The following SIN3A variants were observed in gnomAD, a reference collection of about 807,000 sequenced individuals.
SIN3A encodes SIN3 transcription regulator family member A, also known as paired amphipathic helix protein Sin3a.
A neutral mutation model predicts 146.1 loss-of-function variants in SIN3A; 14 were observed. The ratio of observed to expected loss-of-function variants is 0.10; its 90% CI spans 0.06 to 0.15. SIN3A has a LOEUF of 0.15. Ranked by LOEUF, SIN3A falls within the 10% of genes least tolerant of loss-of-function variation. SIN3A has a pLI of 1.00. For missense variants in SIN3A, 1,028 were observed against 1,576.0 expected, an observed-to-expected ratio of 0.65 and a Z score of 5.89; for synonymous variants, 572 against 572.0, an observed-to-expected ratio of 1.00 and a Z score of 0.00.
At chr15:75,417,521 C>G (rs928752619) in intron 3 of SIN3A, among the ~76,000 whole-genome samples, 1 of 151,522 alleles carries the variant, frequency 6.6e-6, no homozygotes, top group Non-Finnish European at 1.5e-5. Flanking sequence ...GGATTCCAGG[C>G]GCATGTCACC....
At position 75,431,336 on chromosome 15, in the gene SIN3A, A is replaced by G. The variant is rs1418429654; in HGVS notation, c.-33-928T>C. Among the ~76,000 whole-genome samples, 5 of 152,224 alleles carry G rather than the reference A, an allele frequency of 3.3e-5. No homozygotes were observed. In the South Asian group the frequency reaches 6.2e-4, roughly 19 times the overall value. Reference sequence around the variant, plus strand: ...AAATTTTCTTCTGGTTTTAACAGTTATAAGAAGAGATTCTCTTAGCTTAAT... The same window carrying G: ...AAATTTTCTTCTGGTTTTAACAGTTGTAAGAAGAGATTCTCTTAGCTTAAT... On this transcript the variant is annotated intron_variant, in intron 1 of 20. Coordinates refer to ENST00000394947, the MANE Select transcript of SIN3A (RefSeq NM_001145358.2).
At chr15:75,444,235 G>A (rs940118330) in intron 1 of SIN3A, among the ~76,000 whole-genome samples, 1 of 152,132 alleles carries the variant, frequency 6.6e-6, no homozygotes, top group African/African-American at 2.4e-5. Context: ...GAGATAAGAA[G>A]TTTGAGGCCA....
rs898932117 is a variant in SIN3A, at chr15:75,371,595, T to G, written c.*384A>C. ...GTCCTTCTCCAGTCTGTTTTGTAAA[T>G]GCATCTCCATCCAGTCAAAGTGTGA... On this transcript the variant is annotated 3_prime_UTR_variant, in exon 21 of 21. Transcript: ENST00000394947. 1 of 193,038 alleles carries G rather than the reference T, an allele frequency of 5.2e-6. No homozygotes were observed. The highest frequency in any genetic ancestry group is 2.3e-5 in the African/African-American group (1 of 42,968). The allele number at this position is 193,038 out of a possible 1,614,324, so 12.0% of individuals were successfully genotyped here.
chr15:75,395,615 G>T (rs560694202), intron 13 of SIN3A, among the ~76,000 whole-genome samples: 2 of 152,202 alleles, frequency 1.3e-5, no homozygotes, highest in Non-Finnish European at 2.9e-5. Flanking sequence ...ATGACATGGG[G>T]CTGGGTGTGG....
intron 19 of SIN3A, among the ~76,000 whole-genome samples, chr15:75,378,371 C>A (rs2072904262): frequency 1.3e-5 from 2 of 152,118 alleles, no homozygotes; most frequent in African/African-American, 4.8e-5. Flanking sequence ...TCAAGACCAG[C>A]CAGACCAACA....
rs770932390 is a variant in SIN3A, at chr15:75,409,015, C to T, written c.1317+821G>A. On this transcript the variant is annotated intron_variant, in intron 8 of 20. Coordinates refer to ENST00000394947, the MANE Select transcript of SIN3A (RefSeq NM_001145358.2). The stretch of plus-strand genomic sequence containing the variant: ...GGTCAGGAGTTCAAGACCAGCCTGG[C>T]CAACATGGCGAAACCCCATCTCTAC... Among the ~76,000 whole-genome samples the T allele has an allele frequency of 3.3e-5, 5 of 152,208 alleles. No homozygotes were observed. In the South Asian group the frequency reaches 6.2e-4, roughly 19 times the overall value.
intron 20 of SIN3A, 114 bp from the exon 21 acceptor site, chr15:75,372,323 CT>C: frequency 1.8e-6 from 1 of 566,480 alleles, no homozygotes; most frequent in Non-Finnish European, 3.0e-6. Flanking sequence ...GGGCTCAAGT[CT>C]TAGATACCAC....
chr15:75,437,303 G>A (rs1567414607), intron 1 of SIN3A, among the ~76,000 whole-genome samples: 1 of 151,822 alleles, frequency 6.6e-6, no homozygotes, highest in Non-Finnish European at 1.5e-5. Flanking sequence ...CTCCCAAGTA[G>A]CTGGGACATA....
intron 17 of SIN3A, 80 bp downstream of exon 17, chr15:75,384,184 G>A (rs772766002): frequency 7.7e-5 from 91 of 1,184,676 alleles, no homozygotes; most frequent in Admixed American, 1.1e-4. Context: ...AAAGTACCCC[G>A]GCTTTAACTT....
chr15:75,386,424 A>AC (rs1445015675), intron 16 of SIN3A, among the ~76,000 whole-genome samples: 3 of 152,240 alleles, frequency 2.0e-5, no homozygotes, highest in African/African-American at 7.2e-5. Flanking sequence ...AAAAGACAGC[A>AC]CTACAAATCC....
chr15:75,413,660 C>T (rs901028602), intron 4 of SIN3A, among the ~76,000 whole-genome samples: 8 of 151,870 alleles, frequency 5.3e-5, no homozygotes, highest in African/African-American at 1.9e-4. Context: ...TCTCCTGCCT[C>T]AGCCTCCCAA....
chr15:75,450,448 T>C (rs562623431), intron 1 of SIN3A, among the ~76,000 whole-genome samples: 1 of 152,224 alleles, frequency 6.6e-6, no homozygotes, highest in East Asian at 1.9e-4. Context: ...CTCCGCCACA[T>C]TTCTAGTCTC....
In SIN3A at chr15:75,409,922, G is replaced by A; in HGVS notation, c.1231C>T (p.Pro411Ser). ...RNDHGGTVKKPQLNNKPQRPS... is the reference protein window; with the variant it reads ...RNDHGGTVKKSQLNNKPQRPS... The stretch of plus-strand genomic sequence containing the variant: ...CTCTGCGGCTTGTTGTTCAGTTGGG[G>A]CTTCTTGACAGTGCCTCCATGATCA... Residue 411 changes from proline (P) to serine (S), a missense_variant, in exon 8 of 21, where the codon CCC becomes TCC. Transcript: ENST00000394947. 1 of 1,614,076 alleles carries A rather than the reference G, an allele frequency of 6.2e-7. No individual in the cohort carries two copies. Among genetic ancestry groups the A allele is most frequent in the Non-Finnish European group, 8.5e-7 (1 of 1,180,006 alleles).
At chr15:75,380,494 A>T in intron 19 of SIN3A, 135 bp downstream of exon 19, 1 of 661,552 alleles carries the variant, frequency 1.5e-6, no homozygotes, top group Non-Finnish European at 2.7e-6. Context: ...GCCATATAAA[A>T]CCTTGAATTA....
intron 2 of SIN3A, 120 bp from the exon 3 acceptor site, chr15:75,422,943 G>GC (rs2073863655): frequency 3.0e-6 from 3 of 994,606 alleles, no homozygotes. Context: ...TTTCTGCTGG[G>GC]CGTGATGGCT....
intron 1 of SIN3A, among the ~76,000 whole-genome samples, chr15:75,442,932 CAAA>C (rs34555614): frequency 3.6e-5 from 3 of 84,492 alleles, no homozygotes; most frequent in African/African-American, 4.3e-5. Context: ...AACTCTGTCT[CAAA>C]AAAAAAAAAA....
rs1376857748 is a variant in SIN3A at position 75,370,732 on chromosome 15, T to G, written c.*1247A>C. On this transcript the variant is annotated 3_prime_UTR_variant, in exon 21 of 21. Transcript: ENST00000394947. Reference sequence around the variant, plus strand: ...GACAACTTACCCAAATATAAAATATTTTCAGATTATTTGAACAAGGGAAAA... The same window carrying G: ...GACAACTTACCCAAATATAAAATATGTTCAGATTATTTGAACAAGGGAAAA... 1 of 152,180 alleles carries G rather than the reference T, an allele frequency of 6.6e-6. No individual in the cohort carries two copies. Among genetic ancestry groups the G allele is most frequent in the Admixed American group, 6.5e-5 (1 of 15,276 alleles). 9.4% of individuals were successfully genotyped at this position (152,180 alleles called of 1,614,324 possible).
chr15:75,376,553 A>G (rs1449110920), intron 19 of SIN3A, among the ~76,000 whole-genome samples: 33 of 152,224 alleles, frequency 2.2e-4, no homozygotes, highest in Admixed American at 2.2e-3. Flanking sequence ...ATTGTTTCTC[A>G]TAACTTGCTA....
rs1485200564 is a variant in SIN3A, at chr15:75,395,868, G to A, written c.2093+390C>T. Among the ~76,000 whole-genome samples the A allele has an allele frequency of 2.0e-5, 3 of 152,308 alleles. No individual in the cohort carries two copies. The East Asian group carries it at 5.8e-4, about 29-fold the overall frequency. The stretch of plus-strand genomic sequence containing the variant: ...TGCAGTGAGCTGTGTTCACACTACT[G>A]CACTCCAGCCTGGGTGAAAGAGTGA... On this transcript the variant is annotated intron_variant, in intron 13 of 20. Coordinates refer to ENST00000394947, the MANE Select transcript of SIN3A (RefSeq NM_001145358.2).
Sources: allele counts gnomAD v4.1 joint callset (sites outside exome capture counted in the v4.1 genomes callset), GRCh38; gene constraint gnomAD v4.1.1; transcripts MANE v1.5; gene names NCBI Gene and HGNC (gene_info 2026-07-23, HGNC 2026-07-21).